RBFOX1: variants seen among roughly 807,000 people sequenced by gnomAD.
RBFOX1 encodes the protein RNA binding protein fox-1 homolog 1.
Under a neutral mutation model 57.7 loss-of-function variants are expected in RBFOX1, and 8 were observed. The ratio of observed to expected loss-of-function variants is 0.14; its 90% CI spans 0.08 to 0.25. RBFOX1 has a LOEUF of 0.25. RBFOX1 is among the 10% of genes least tolerant of loss of function. RBFOX1 has a pLI of 1.00. For synonymous variants in RBFOX1, 326 were observed against 222.4 expected (o/e 1.47, Z -4.15); for missense variants, 611 against 548.5 (o/e 1.11, Z -1.14).
At chr16:6,764,499 G>T (rs1028811932) in intron 3 of RBFOX1, among the ~76,000 whole-genome samples, 3 of 152,148 alleles carry the variant, frequency 2.0e-5, no homozygotes, top group Admixed American at 1.3e-4. Flanking sequence ...TCATCCCACG[G>T]ATGCTTATTG....
chr16:5,802,416 A>G (rs1529922), intron 3 of RBFOX1, among the ~76,000 whole-genome samples: 80,855 of 151,886 alleles, frequency 0.53, 22,254 homozygotes, highest in African/African-American at 0.68. Flanking sequence ...AGGGTGGGAT[A>G]GCTGCTGAGG....
chr16:7,419,626 CT>C (rs1420985820), intron 4 of RBFOX1, among the ~76,000 whole-genome samples: 2 of 152,230 alleles, frequency 1.3e-5, no homozygotes, highest in Non-Finnish European at 2.9e-5. Flanking sequence ...CCTTTCCCCT[CT>C]CCGCAGCCCT....
intron 1 of RBFOX1, among the ~76,000 whole-genome samples, chr16:6,215,039 GGA>G (rs2097326240): frequency 7.1e-6 from 1 of 140,084 alleles, no homozygotes; most frequent in African/African-American, 2.7e-5. Context: ...AAATGGAGAG[GGA>G]GAGGGGAGAA....
chr16:5,824,213 G>C (rs192690164), intron 3 of RBFOX1, among the ~76,000 whole-genome samples: 3 of 152,340 alleles, frequency 2.0e-5, no homozygotes, highest in Non-Finnish European at 2.9e-5. Flanking sequence ...CAGAGTAGGA[G>C]GGGGCGCCAG....
At chr16:7,234,929 C>A (rs576030516) in intron 4 of RBFOX1, among the ~76,000 whole-genome samples, 1 of 151,994 alleles carries the variant, frequency 6.6e-6, no homozygotes, top group Non-Finnish European at 1.5e-5. Flanking sequence ...CAGAGACTTA[C>A]TGTAGACTTG....
chr16:7,642,354 A>G (rs1440635061), intron 11 of RBFOX1, among the ~76,000 whole-genome samples: 1 of 152,092 alleles, frequency 6.6e-6, no homozygotes, highest in Non-Finnish European at 1.5e-5. Flanking sequence ...TCAAAATCAG[A>G]TGGCCTCAGC....
At chr16:6,169,576 G>C (rs1200285254) in intron 1 of RBFOX1, among the ~76,000 whole-genome samples, 1 of 152,064 alleles carries the variant, frequency 6.6e-6, no homozygotes, top group East Asian at 1.9e-4. Flanking sequence ...AAGATGTATA[G>C]ACAAAAAAAG....
intron 4 of RBFOX1, among the ~76,000 whole-genome samples, chr16:7,401,450 T>G (rs1442270854): frequency 6.6e-6 from 1 of 152,194 alleles, no homozygotes. Context: ...GATGGCTGTA[T>G]GGATCGATAG....
chr16:7,361,745 A>G (rs2097325710), intron 4 of RBFOX1, among the ~76,000 whole-genome samples: 1 of 152,184 alleles, frequency 6.6e-6, no homozygotes, highest in Non-Finnish European at 1.5e-5. Flanking sequence ...AGGCAAAAGC[A>G]GAGAGACTCG....
At position 6,094,445 on chromosome 16, in the gene RBFOX1, A is replaced by G. The variant is rs542959760; in HGVS notation, c.-127+74453A>G. Among the ~76,000 whole-genome samples the G allele has an allele frequency of 2.7e-3, 412 of 152,352 alleles. 7 individuals carry two copies. The highest frequency in any genetic ancestry group is 4.2e-3 in the Non-Finnish European group (285 of 68,036). The stretch of plus-strand genomic sequence containing the variant: ...GCTTGGACTCACAGAGAAAGGCAGA[A>G]TTAATCACTCTCTAAAGTCACCAAG... On this transcript the variant is annotated intron_variant, in intron 1 of 15. Coordinates refer to ENST00000550418, the MANE Select transcript of RBFOX1 (RefSeq NM_018723.4).
At position 6,831,509 on chromosome 16, in the gene RBFOX1, C is replaced by G. The variant is rs114720413; in HGVS notation, c.-16+176859C>G. Among the ~76,000 whole-genome samples, 984 of 152,256 alleles carry G rather than the reference C, an allele frequency of 6.5e-3. 12 individuals carry two copies. Among genetic ancestry groups the G allele is most frequent in the African/African-American group, 0.023 (941 of 41,550 alleles). ...CATTTACTTAGCCTAATATATTTCC[C>G]TTTTTGAATATAAGAGATTTCACCT... On this transcript the variant is annotated intron_variant, in intron 3 of 15. Coordinates refer to ENST00000550418, the MANE Select transcript of RBFOX1 (RefSeq NM_018723.4).
intron 3 of RBFOX1, among the ~76,000 whole-genome samples, chr16:6,655,300 G>C (rs2098640183): frequency 1.4e-5 from 2 of 141,610 alleles, no homozygotes; most frequent in Admixed American, 7.6e-5. Flanking sequence ...CTTGATCCTT[G>C]GAGGTGGAGA....
chr16:7,045,676 A>G (rs2047671066), intron 3 of RBFOX1, among the ~76,000 whole-genome samples: 1 of 151,812 alleles, frequency 6.6e-6, no homozygotes, highest in Non-Finnish European at 1.5e-5. Context: ...ATAGAGCGAG[A>G]CATTGTCTCG....
intron 4 of RBFOX1, among the ~76,000 whole-genome samples, chr16:7,402,121 T>A (rs895936754): frequency 6.6e-6 from 1 of 152,222 alleles, no homozygotes; most frequent in African/African-American, 2.4e-5. Flanking sequence ...AAATATAGAA[T>A]GGATTTTTGC....
intron 2 of RBFOX1, among the ~76,000 whole-genome samples, chr16:6,563,621 A>T (rs2097214069): frequency 6.6e-6 from 1 of 152,102 alleles, no homozygotes; most frequent in African/African-American, 2.4e-5. Flanking sequence ...AGGTAGGCAG[A>T]TTGTTTGAGC....
chr16:5,867,667 A>G (rs1189348814), intron 4 of RBFOX1, among the ~76,000 whole-genome samples: 1 of 151,684 alleles, frequency 6.6e-6, no homozygotes, highest in East Asian at 1.9e-4. Flanking sequence ...TAGTTTCCCC[A>G]TTCCTTCTCT....
chr16:7,038,998 C>G (rs1160838730), intron 3 of RBFOX1, among the ~76,000 whole-genome samples: 1 of 151,898 alleles, frequency 6.6e-6, no homozygotes, highest in Non-Finnish European at 1.5e-5. Context: ...AGCAGTGACT[C>G]TCTTGATATA....
At chr16:7,176,534 T>A (rs775042501) in intron 4 of RBFOX1, among the ~76,000 whole-genome samples, 1 of 152,130 alleles carries the variant, frequency 6.6e-6, no homozygotes, top group South Asian at 2.1e-4. Context: ...AATACAGTTA[T>A]AGTGGAACAC....
intron 2 of RBFOX1, among the ~76,000 whole-genome samples, chr16:6,395,269 G>A (rs1053270092): frequency 6.6e-5 from 10 of 152,296 alleles, no homozygotes; most frequent in South Asian, 2.1e-4. Context: ...TGTCATAGAC[G>A]TGGTGGAAAA....
Sources: gnomAD v4.1 joint callset for allele counts (sites outside exome capture counted in the v4.1 genomes callset) on GRCh38, gnomAD v4.1.1 for gene constraint, MANE v1.5 for transcripts, NCBI Gene and HGNC (gene_info 2026-07-23, HGNC 2026-07-21) for gene names.